The following FAM120B variants were observed in gnomAD, a reference collection of about 807,000 sequenced individuals.
FAM120B encodes family with sequence similarity 120 member B.
In FAM120B, 83 loss-of-function variants were observed where a neutral mutation model predicts 96.3. The ratio of observed to expected loss-of-function variants is 0.86; its 90% CI spans 0.72 to 1.03. The LOEUF (loss-of-function observed/expected upper bound fraction) is 1.03. Ranked by LOEUF, FAM120B falls within the 50% of genes least tolerant of loss-of-function variation. FAM120B has a pLI of 0.00. For synonymous variants in FAM120B, 407 were observed against 402.7 expected, an observed-to-expected ratio of 1.01 and a Z score of -0.13; for missense variants, 1,027 against 1,121.2, an observed-to-expected ratio of 0.92 and a Z score of 1.20.
intron 8 of FAM120B, among the ~76,000 whole-genome samples, chr6:170,391,803 G>A (rs748378020): frequency 4.1e-4 from 62 of 152,280 alleles, no homozygotes; most frequent in Middle Eastern, 6.8e-3. Context: ...AATATACATG[G>A]CCTTTAATTC....
At chr6:170,380,399 C>T (rs1789835071) in intron 6 of FAM120B, among the ~76,000 whole-genome samples, 1 of 152,120 alleles carries the variant, frequency 6.6e-6, no homozygotes, top group African/African-American at 2.4e-5. Context: ...TATGGTAGCT[C>T]TATTTTTAGG....
At chr6:170,365,149 G>T (rs1469082866) in intron 6 of FAM120B, among the ~76,000 whole-genome samples, 1 of 152,202 alleles carries the variant, frequency 6.6e-6, no homozygotes, top group African/African-American at 2.4e-5. Flanking sequence ...CTCCCTCCTG[G>T]CACTTTACCC....
At chr6:170,327,282 G>T (rs766492100) in intron 3 of FAM120B, among the ~76,000 whole-genome samples, 6 of 151,982 alleles carry the variant, frequency 3.9e-5, no homozygotes, top group Non-Finnish European at 8.8e-5. Flanking sequence ...TCCTGACCTT[G>T]TGATCCGCCC....
chr6:170,374,536 C>T (rs1368945142), intron 6 of FAM120B, among the ~76,000 whole-genome samples: 3 of 152,196 alleles, frequency 2.0e-5, no homozygotes, highest in African/African-American at 4.8e-5. Context: ...ATTATTGACT[C>T]GTTGAGGCTT....
intron 9 of FAM120B, among the ~76,000 whole-genome samples, chr6:170,397,604 G>A (rs949439216): frequency 2.0e-5 from 3 of 152,160 alleles, no homozygotes; most frequent in Non-Finnish European, 4.4e-5. Context: ...TCTGCAGACC[G>A]ACCACATCCA....
chr6:170,344,033 G>T (rs1339700392), intron 4 of FAM120B, among the ~76,000 whole-genome samples: 1 of 146,538 alleles, frequency 6.8e-6, no homozygotes, highest in Non-Finnish European at 1.5e-5. Flanking sequence ...CGTTGCCTGC[G>T]GTGCTAGCCT....
chr6:170,378,821 C>T (rs1177528611), intron 6 of FAM120B, among the ~76,000 whole-genome samples: 3 of 152,168 alleles, frequency 2.0e-5, no homozygotes, highest in Non-Finnish European at 2.9e-5. Flanking sequence ...GTGGGCTGCA[C>T]CTTTATTTGG....
At chr6:170,400,954 T>G (rs1422982667) in intron 9 of FAM120B, among the ~76,000 whole-genome samples, 1 of 152,214 alleles carries the variant, frequency 6.6e-6, no homozygotes, top group African/African-American at 2.4e-5. Flanking sequence ...CGACAGAGAC[T>G]ACAGGAGCAT....
chr6:170,366,014 C>A (rs1347986643), intron 6 of FAM120B, among the ~76,000 whole-genome samples: 2 of 152,066 alleles, frequency 1.3e-5, no homozygotes, highest in African/African-American at 4.8e-5. Flanking sequence ...TGAGCTGTTT[C>A]TTGTTCTCTG....
intron 9 of FAM120B, among the ~76,000 whole-genome samples, chr6:170,397,348 TCTC>T (rs1778228974): frequency 6.6e-6 from 1 of 151,672 alleles, no homozygotes. Flanking sequence ...AAATCTGAGA[TCTC>T]CTTGACAAGG....
intron 4 of FAM120B, among the ~76,000 whole-genome samples, chr6:170,342,294 A>T (rs546678752): frequency 7.0e-4 from 106 of 152,342 alleles, no homozygotes; most frequent in Middle Eastern, 6.8e-3. Flanking sequence ...GAGCTAAAAG[A>T]TATATGCAAG....
At chr6:170,403,585 T>G (rs1480800461) in intron 9 of FAM120B, among the ~76,000 whole-genome samples, 1 of 152,162 alleles carries the variant, frequency 6.6e-6, no homozygotes, top group Non-Finnish European at 1.5e-5. Context: ...CTGGTCCACT[T>G]CAAAGGCCTC....
At chr6:170,310,650 A>G (rs1784536327) in intron 1 of FAM120B, among the ~76,000 whole-genome samples, 1 of 152,182 alleles carries the variant, frequency 6.6e-6, no homozygotes, top group Non-Finnish European at 1.5e-5. Flanking sequence ...TGTGTCTTTG[A>G]CTTAAGAGGC....
chr6:170,312,860 G>A (rs896172135), intron 1 of FAM120B, among the ~76,000 whole-genome samples: 1 of 152,194 alleles, frequency 6.6e-6, no homozygotes, highest in Non-Finnish European at 1.5e-5. Flanking sequence ...TGAGGGGATG[G>A]GAAATTTCTA....
At chr6:170,375,861 G>A (rs1403080459) in intron 6 of FAM120B, among the ~76,000 whole-genome samples, 1 of 152,198 alleles carries the variant, frequency 6.6e-6, no homozygotes, top group African/African-American at 2.4e-5. Context: ...GGACTAGATC[G>A]ATAAAGGGTG....
In FAM120B at chr6:170,317,852, T is replaced by A; in HGVS notation, c.462T>A (p.Cys154Ter). The change falls in exon 2 of 11, where the codon TGT becomes TGA. Residue 154 changes from cysteine to a stop codon, truncating the protein, a stop_gained. Coordinates refer to ENST00000476287, the MANE Select transcript of FAM120B (RefSeq NM_032448.3). LOFTEE classifies it high-confidence loss of function. ...ALKTLGQETL[C>*]SLQEADYEVA... ...AGACACTGGGCCAGGAAACTTTGTGTTCTTTGCAGGAAGCAGATTATGAGG... is the reference window on the plus strand; with the variant it reads ...AGACACTGGGCCAGGAAACTTTGTGATCTTTGCAGGAAGCAGATTATGAGG... 1 of 1,614,218 alleles carries A rather than the reference T, an allele frequency of 6.2e-7. No homozygotes were observed. Among genetic ancestry groups the A allele is most frequent in the Non-Finnish European group, 8.5e-7 (1 of 1,180,038 alleles).
chr6:170,300,894 A>C (rs111563663), intron 1 of FAM120B, among the ~76,000 whole-genome samples: 34 of 151,292 alleles, frequency 2.2e-4, no homozygotes, highest in African/African-American at 4.9e-4. Flanking sequence ...TGCAGGGTAA[A>C]CCCCCCCCTC....
chr6:170,378,237 C>T (rs1255683350), intron 6 of FAM120B, among the ~76,000 whole-genome samples: 1 of 152,128 alleles, frequency 6.6e-6, no homozygotes, highest in Non-Finnish European at 1.5e-5. Flanking sequence ...TTTAGCATAC[C>T]CAGAATAGCT....
intron 6 of FAM120B, among the ~76,000 whole-genome samples, chr6:170,364,031 C>G (rs1225408664): frequency 1.3e-5 from 2 of 152,142 alleles, no homozygotes. Context: ...CCACGCCCAG[C>G]CAAAACATAA....
Sources: allele counts gnomAD v4.1 joint callset (sites outside exome capture counted in the v4.1 genomes callset), GRCh38; gene constraint gnomAD v4.1.1; transcripts MANE v1.5; gene names NCBI Gene and HGNC (gene_info 2026-07-23, HGNC 2026-07-21).